Variants in CNTN5 observed in about 807,000 individuals in gnomAD.
The protein encoded by CNTN5 is contactin 5.
A neutral mutation model predicts 129.1 loss-of-function variants in CNTN5; 77 were observed. The observed-to-expected ratio is 0.60, with a 90% CI of 0.50 to 0.72. The LOEUF is 0.72. CNTN5 is among the 30% of genes least tolerant of loss of function. The pLI, the probability that CNTN5 is intolerant of heterozygous loss-of-function variation, is 0.00. For missense variants in CNTN5, 1,478 were observed against 1,328.8 expected, an observed-to-expected ratio of 1.11 and a Z score of -1.75; for synonymous variants, 509 against 465.6, an observed-to-expected ratio of 1.09 and a Z score of -1.20.
chr11:99,515,879 C>T (rs1360486885), intron 2 of CNTN5, among the ~76,000 whole-genome samples: 1 of 150,776 alleles, frequency 6.6e-6, no homozygotes, highest in East Asian at 1.9e-4. Flanking sequence ...GCTAGCTATG[C>T]TTTAAAAGAT....
At chr11:99,843,125 G>A (rs1456830880) in intron 4 of CNTN5, among the ~76,000 whole-genome samples, 1 of 152,180 alleles carries the variant, frequency 6.6e-6, no homozygotes, top group Non-Finnish European at 1.5e-5. Context: ...TCAGGTGGCT[G>A]TGGCAGGATA....
At chr11:100,220,819 T>C (rs1427176696) in intron 15 of CNTN5, among the ~76,000 whole-genome samples, 1 of 152,196 alleles carries the variant, frequency 6.6e-6, no homozygotes, top group Non-Finnish European at 1.5e-5. Flanking sequence ...AACCCACATA[T>C]ACTCTTGAGG....
chr11:99,737,521 C>G (rs1943750847), intron 3 of CNTN5, among the ~76,000 whole-genome samples: 1 of 152,018 alleles, frequency 6.6e-6, no homozygotes, highest in Non-Finnish European at 1.5e-5. Flanking sequence ...TCTGCTTTTT[C>G]AATTTCTTTA....
intron 7 of CNTN5, among the ~76,000 whole-genome samples, chr11:99,945,504 G>GTGTGTA (rs1555164190): frequency 6.6e-6 from 1 of 151,584 alleles, no homozygotes; most frequent in Non-Finnish European, 1.5e-5. Context: ...GTGTGTGTGT[G>GTGTGTA]TGTGTGTGTG....
At chr11:99,783,018 C>T (rs1386682168) in intron 3 of CNTN5, among the ~76,000 whole-genome samples, 2 of 150,486 alleles carry the variant, frequency 1.3e-5, no homozygotes, top group Admixed American at 6.7e-5. Flanking sequence ...AAAGAAACTA[C>T]CATCAGAGTG....
chr11:99,636,576 A>G (rs1951564106), intron 3 of CNTN5, among the ~76,000 whole-genome samples: 1 of 151,986 alleles, frequency 6.6e-6, no homozygotes, highest in Non-Finnish European at 1.5e-5. Context: ...GGCAAAAGAA[A>G]TGTAGGATTA....
intron 3 of CNTN5, among the ~76,000 whole-genome samples, chr11:99,769,554 A>C (rs1435582345): frequency 1.3e-5 from 2 of 152,086 alleles, no homozygotes; most frequent in African/African-American, 4.8e-5. Flanking sequence ...GATTTGCCTT[A>C]CATATAGATG....
intron 7 of CNTN5, among the ~76,000 whole-genome samples, chr11:99,920,832 G>A (rs995581245): frequency 6.6e-6 from 1 of 152,106 alleles, no homozygotes; most frequent in Admixed American, 6.6e-5. Context: ...CAGCACATTG[G>A]CAGTTAGGAT....
chr11:99,119,764 A>G (rs1858217974), intron 1 of CNTN5, among the ~76,000 whole-genome samples: 1 of 152,042 alleles, frequency 6.6e-6, no homozygotes, highest in South Asian at 2.1e-4. Flanking sequence ...ACAACATATT[A>G]GCATTATTTT....
At chr11:99,374,972 AAAG>A (rs1330697544) in intron 2 of CNTN5, among the ~76,000 whole-genome samples, 1 of 152,176 alleles carries the variant, frequency 6.6e-6, no homozygotes, top group East Asian at 1.9e-4. Context: ...CTGGAAAAGT[AAAG>A]AAGAGGAATC....
chr11:99,039,849 T>C (rs1421318633), intron 1 of CNTN5, among the ~76,000 whole-genome samples: 1 of 152,174 alleles, frequency 6.6e-6, no homozygotes, highest in African/African-American at 2.4e-5. Flanking sequence ...TTACTTAGTA[T>C]TTATAAACTT....
At chr11:100,041,427 A>T (rs973806245) in intron 9 of CNTN5, among the ~76,000 whole-genome samples, 1 of 152,234 alleles carries the variant, frequency 6.6e-6, no homozygotes, top group Non-Finnish European at 1.5e-5. Context: ...GAACATAGTA[A>T]GTACCTTATA....
intron 1 of CNTN5, among the ~76,000 whole-genome samples, chr11:99,300,268 T>C (rs1175724571): frequency 1.3e-5 from 2 of 152,082 alleles, no homozygotes; most frequent in African/African-American, 2.4e-5. Flanking sequence ...TCATATATGA[T>C]TTTTATTATT....
chr11:99,332,775 A>G (rs1055134014), intron 2 of CNTN5, among the ~76,000 whole-genome samples: 2 of 152,060 alleles, frequency 1.3e-5, no homozygotes, highest in Non-Finnish European at 2.9e-5. Context: ...TGTATGGTAA[A>G]TTAACTAATT....
intron 1 of CNTN5, among the ~76,000 whole-genome samples, chr11:99,074,188 G>A (rs1241040681): frequency 6.6e-6 from 1 of 151,896 alleles, no homozygotes. Flanking sequence ...TTTGAGAAGT[G>A]TCTGTTCATA....
chr11:100,166,771 T>C (rs940098122), intron 13 of CNTN5, among the ~76,000 whole-genome samples: 3 of 151,788 alleles, frequency 2.0e-5, no homozygotes, highest in Non-Finnish European at 4.4e-5. Flanking sequence ...TCTTGAAAAA[T>C]TGTCTTACCT....
chr11:99,985,325 G>C (rs1473980508), intron 8 of CNTN5, among the ~76,000 whole-genome samples: 1 of 152,146 alleles, frequency 6.6e-6, no homozygotes, highest in East Asian at 1.9e-4. Flanking sequence ...GAGCAGGAGA[G>C]GGGACAGGAC....
intron 6 of CNTN5, among the ~76,000 whole-genome samples, chr11:99,869,029 A>G (rs984280913): frequency 6.6e-6 from 1 of 152,198 alleles, no homozygotes; most frequent in African/African-American, 2.4e-5. Flanking sequence ...TCACCCCTAC[A>G]GTGTCTTCTG....
At chr11:100,259,748 G>A (rs189654482) in intron 17 of CNTN5, among the ~76,000 whole-genome samples, 13 of 152,116 alleles carry the variant, frequency 8.5e-5, no homozygotes, top group Non-Finnish European at 1.5e-4. Flanking sequence ...TGAAATCAAT[G>A]AGAACAAAGA....
Sources: gnomAD v4.1 joint callset for allele counts (sites outside exome capture counted in the v4.1 genomes callset) on GRCh38, gnomAD v4.1.1 for gene constraint, MANE v1.5 for transcripts, NCBI Gene and HGNC (gene_info 2026-07-23, HGNC 2026-07-21) for gene names.